The following COL13A1 variants were observed in gnomAD, a reference collection of about 807,000 sequenced individuals.
The protein encoded by COL13A1 is collagen alpha-1(XIII) chain.
In COL13A1, 89 loss-of-function variants were observed where a neutral mutation model predicts 130.9. That is an observed-to-expected ratio of 0.68 (90% confidence interval 0.57 to 0.81). The LOEUF (loss-of-function observed/expected upper bound fraction) is 0.81. Among genes scored for constraint, COL13A1 ranks in the 30% least tolerant of loss-of-function variants. The pLI, the probability that COL13A1 is intolerant of heterozygous loss-of-function variation, is 0.00. For missense variants in COL13A1, 879 were observed against 934.6 expected (o/e 0.94, Z 0.78); for synonymous variants, 402 against 341.6 (o/e 1.18, Z -1.95).
chr10:69,935,362 C>T lies in COL13A1; in HGVS notation c.1741C>T (p.Pro581Ser). The T allele has an allele frequency of 6.3e-7, 1 of 1,578,912 alleles. No homozygotes were observed. Among genetic ancestry groups the T allele is most frequent in the Non-Finnish European group, 8.6e-7 (1 of 1,161,614 alleles). The change falls in exon 32 of 41, where the codon CCA (proline) becomes TCA (serine). Residue 581 changes from proline (P) to serine (S), a missense_variant. Physicochemically the swap from Pro to Ser is moderately conservative, Grantham distance 74. Coordinates refer to ENST00000645393, the MANE Select transcript of COL13A1 (RefSeq NM_001368882.1). The stretch of plus-strand genomic sequence containing the variant: ...CTTTGGCTTTTAGGTTCCTGGGCTG[C>T]CAGGGCCAGAGGGGCCTCCCGGACC... Reference protein sequence around the residue: ...GNPGAEVPGLPGPEGPPGPPG... With the variant: ...GNPGAEVPGLSGPEGPPGPPG...
chr10:69,944,075 G>A (rs1360157830), intron 35 of COL13A1, 50 bp from the exon 36 acceptor site: 3 of 1,533,696 alleles, frequency 2.0e-6, no homozygotes, highest in East Asian at 2.3e-5. Context: ...GGCACCCAGG[G>A]CTCCCCAGAG....
intron 4 of COL13A1, among the ~76,000 whole-genome samples, chr10:69,873,698 C>T (rs921308037): frequency 1.3e-5 from 2 of 152,220 alleles, no homozygotes; most frequent in Non-Finnish European, 2.9e-5. Context: ...CCACAGCCGA[C>T]CACCCGCCCT....
chr10:69,828,446 T>G (rs1195577441), intron 2 of COL13A1, among the ~76,000 whole-genome samples: 1 of 152,158 alleles, frequency 6.6e-6, no homozygotes, highest in Non-Finnish European at 1.5e-5. Flanking sequence ...AAACCATCCA[T>G]GGCTCCTCAG....
At chr10:69,819,993 C>A (rs942697216) in intron 1 of COL13A1, among the ~76,000 whole-genome samples, 1 of 152,216 alleles carries the variant, frequency 6.6e-6, no homozygotes, top group African/African-American at 2.4e-5. Context: ...CTCCAGACAT[C>A]AAAGGATTCA....
chr10:69,926,032 A>T (rs1426353077), intron 26 of COL13A1, 160 bp downstream of exon 26: 4 of 613,114 alleles, frequency 6.5e-6, no homozygotes, highest in African/African-American at 1.9e-5. Flanking sequence ...CTCTCCTTTG[A>T]CCTCCCGCTG....
intron 8 of COL13A1, 32 bp from the exon 9 acceptor site, chr10:69,888,272 T>G: frequency 1.2e-6 from 2 of 1,611,852 alleles, no homozygotes; most frequent in Non-Finnish European, 1.7e-6. Flanking sequence ...CCTGTGATGC[T>G]CAGTCTTTAC....
intron 36 of COL13A1, among the ~76,000 whole-genome samples, chr10:69,944,385 T>C (rs1461640553): frequency 6.6e-6 from 1 of 152,172 alleles, no homozygotes; most frequent in Non-Finnish European, 1.5e-5. Context: ...GCCGGGCACG[T>C]TGGCTCATAC....
chr10:69,820,911 T>A (rs1293415794), intron 1 of COL13A1, among the ~76,000 whole-genome samples: 1 of 152,218 alleles, frequency 6.6e-6, no homozygotes, highest in African/African-American at 2.4e-5. Context: ...TTGCTCTGAA[T>A]CCTTGTGAAG....
chr10:69,861,119 T>C (rs947232799), intron 2 of COL13A1, among the ~76,000 whole-genome samples: 4 of 151,950 alleles, frequency 2.6e-5, no homozygotes, highest in African/African-American at 9.7e-5. Context: ...CCACCAGCCC[T>C]CAGGCACTTG....
In COL13A1 at chr10:69,812,575, G is replaced by C. The variant is rs1843342366; in HGVS notation, c.295-9794G>C. 2.0e-5 allele frequency among the ~76,000 whole-genome samples: 3 copies of C among 152,142 alleles called. No individual in the cohort carries two copies. The South Asian group carries it at 6.2e-4, about 32-fold the overall frequency. Reference sequence around the variant, plus strand: ...GTGTGGGCTCTGAGCCAGGCTTCCCGGGTTCAAATTCTGCCTCTGTCTTTC... The same window carrying C: ...GTGTGGGCTCTGAGCCAGGCTTCCCCGGTTCAAATTCTGCCTCTGTCTTTC... On this transcript the variant is annotated intron_variant, in intron 1 of 40. Coordinates refer to ENST00000645393, the MANE Select transcript of COL13A1 (RefSeq NM_001368882.1).
chr10:69,877,837 C>T (rs1469339878), intron 5 of COL13A1, among the ~76,000 whole-genome samples: 1 of 152,128 alleles, frequency 6.6e-6, no homozygotes, highest in Non-Finnish European at 1.5e-5. Context: ...CTTCCACATG[C>T]CACATGCTGT....
chr10:69,860,712 CTG>C, intron 2 of COL13A1: 1 of 281,580 alleles, frequency 3.6e-6, no homozygotes, highest in Non-Finnish European at 7.2e-6. Flanking sequence ...CCCTCCTTGC[CTG>C]TGGCCTTCTG....
intron 38 of COL13A1, among the ~76,000 whole-genome samples, chr10:69,948,306 AATGCCT>A (rs2068858395): frequency 6.6e-6 from 1 of 151,540 alleles, no homozygotes; most frequent in African/African-American, 2.4e-5. Context: ...AAAGTGCCAG[AATGCCT>A]ATGCTCCTAT....
chr10:69,910,784 T>C (rs754917565), intron 17 of COL13A1, among the ~76,000 whole-genome samples: 2 of 152,274 alleles, frequency 1.3e-5, no homozygotes, highest in African/African-American at 2.4e-5. Flanking sequence ...TCAAGGGGGT[T>C]GACGAGTATT....
chr10:69,814,731 A>G (rs142959626), intron 1 of COL13A1, among the ~76,000 whole-genome samples: 9 of 152,294 alleles, frequency 5.9e-5, no homozygotes, highest in African/African-American at 1.9e-4. Flanking sequence ...AGTGTAGTCA[A>G]GCTGATATGA....
At chr10:69,871,212 G>T (rs185071201) in intron 3 of COL13A1, among the ~76,000 whole-genome samples, 7 of 152,102 alleles carry the variant, frequency 4.6e-5, no homozygotes, top group Non-Finnish European at 8.8e-5. Context: ...TTTAAGGGAC[G>T]CAGTGCCTGG....
intron 5 of COL13A1, among the ~76,000 whole-genome samples, chr10:69,877,825 G>A (rs377001924): frequency 2.0e-5 from 3 of 151,984 alleles, no homozygotes; most frequent in Non-Finnish European, 4.4e-5. Flanking sequence ...TTGCAGCAGC[G>A]CCTTCCACAT....
At chr10:69,865,126 C>T (rs12249491) in intron 2 of COL13A1, among the ~76,000 whole-genome samples, 2,699 of 152,256 alleles carry the variant, frequency 0.018, 90 homozygotes, top group African/African-American at 0.062. Flanking sequence ...GACTGAATGC[C>T]GGTCTCACCG....
chr10:69,950,877 C>A (rs1293767634), intron 38 of COL13A1, among the ~76,000 whole-genome samples: 1 of 152,160 alleles, frequency 6.6e-6, no homozygotes, highest in Non-Finnish European at 1.5e-5. Context: ...TTGTGAGAGT[C>A]TCACTCTGTC....
Sources: allele counts gnomAD v4.1 joint callset (sites outside exome capture counted in the v4.1 genomes callset), GRCh38; gene constraint gnomAD v4.1.1; transcripts MANE v1.5; gene names NCBI Gene and HGNC (gene_info 2026-07-23, HGNC 2026-07-21).